CLSTN2: variants seen among roughly 807,000 people sequenced by gnomAD.
The protein encoded by CLSTN2 is calsyntenin 2, also known as calsyntenin-2.
CLSTN2 carries 48 observed loss-of-function variants against 101.2 expected under a neutral mutation model. The ratio of observed to expected loss-of-function variants is 0.47; its 90% CI spans 0.38 to 0.60. The LOEUF (loss-of-function observed/expected upper bound fraction) is 0.60, where lower values mean the gene tolerates loss of function less well. CLSTN2 is among the 20% of genes least tolerant of loss of function. The pLI, the probability that CLSTN2 is intolerant of heterozygous loss-of-function variation, is 0.00. For missense variants in CLSTN2, 1,160 were observed against 1,238.2 expected (o/e 0.94, Z 0.95); for synonymous variants, 481 against 463.6 (o/e 1.04, Z -0.48).
At chr3:140,533,403 G>A (rs1935298783) in intron 9 of CLSTN2, among the ~76,000 whole-genome samples, 4 of 152,268 alleles carry the variant, frequency 2.6e-5, no homozygotes, top group Admixed American at 2.6e-4. Context: ...GGGGATAGAG[G>A]TGGGCTATAG....
intron 1 of CLSTN2, among the ~76,000 whole-genome samples, chr3:139,965,445 G>A (rs1288677659): frequency 6.6e-6 from 1 of 152,158 alleles, no homozygotes; most frequent in Non-Finnish European, 1.5e-5. Flanking sequence ...TGTGGGAGTG[G>A]TATTCTCCAC....
At chr3:139,956,102 T>G (rs2107812444) in intron 1 of CLSTN2, among the ~76,000 whole-genome samples, 1 of 152,302 alleles carries the variant, frequency 6.6e-6, no homozygotes, top group Middle Eastern at 3.4e-3. Flanking sequence ...GTCTCCTGAC[T>G]TCCCTATTTT....
intron 2 of CLSTN2, among the ~76,000 whole-genome samples, chr3:140,232,542 G>A (rs2086379864): frequency 6.6e-6 from 1 of 151,942 alleles, no homozygotes; most frequent in African/African-American, 2.4e-5. Flanking sequence ...AGTTCCTACG[G>A]GCTGATGTTC....
At chr3:140,077,008 G>A (rs2107779330) in intron 1 of CLSTN2, among the ~76,000 whole-genome samples, 2 of 152,228 alleles carry the variant, frequency 1.3e-5, no homozygotes, top group East Asian at 3.9e-4. Flanking sequence ...TGGCTCCCCA[G>A]CATTTAATGC....
chr3:140,240,166 CTCTCTCTCTATATA>C lies in CLSTN2; in HGVS notation c.232+64095_232+64108del, dbSNP rs1285922959. 1.7e-4 allele frequency among the ~76,000 whole-genome samples: 3 copies of C among 18,054 alleles called. No individual in the cohort carries two copies. The East Asian group carries it at 0.035, about 210-fold the overall frequency. The allele number at this position is 18,054 out of a possible 152,430, so 11.8% of individuals were successfully genotyped here. On this transcript the variant is annotated intron_variant, in intron 2 of 16. Transcript: ENST00000458420. ...TCTCTCTCTCTGTCTCTCTCTCTCTCTCTCTCTCTATATATATATATATATATATATATACACAC... is the reference window on the plus strand; with the variant it reads ...TCTCTCTCTCTGTCTCTCTCTCTCTCTATATATATATATATATATACACAC...
At chr3:140,453,780 A>G (rs577377821) in intron 6 of CLSTN2, among the ~76,000 whole-genome samples, 8 of 152,344 alleles carry the variant, frequency 5.3e-5, no homozygotes, top group African/African-American at 1.4e-4. Context: ...AAAAAATTCA[A>G]TCTTCTGGAG....
chr3:140,204,675 T>TC (rs1189390921), intron 2 of CLSTN2, among the ~76,000 whole-genome samples: 3 of 152,022 alleles, frequency 2.0e-5, no homozygotes, highest in Non-Finnish European at 2.9e-5. Context: ...AGCCTGTCAC[T>TC]CCAATATGCC....
At chr3:140,441,076 T>C (rs1191307065) in intron 5 of CLSTN2, among the ~76,000 whole-genome samples, 1 of 152,228 alleles carries the variant, frequency 6.6e-6, no homozygotes, top group Non-Finnish European at 1.5e-5. Flanking sequence ...CTGATGGTTG[T>C]AGACCCATAA....
chr3:140,216,409 T>C (rs2010921939), intron 2 of CLSTN2, among the ~76,000 whole-genome samples: 1 of 152,178 alleles, frequency 6.6e-6, no homozygotes, highest in South Asian at 2.1e-4. Flanking sequence ...TGCCCAAATG[T>C]CGCTGGCCTC....
In CLSTN2 at chr3:140,539,895, A is replaced by G. The variant is rs928943892; in HGVS notation, c.1508-6620A>G. 2.6e-5 allele frequency among the ~76,000 whole-genome samples: 4 copies of G among 152,208 alleles called. No individual in the cohort carries two copies. In the South Asian group the frequency reaches 8.3e-4, roughly 32 times the overall value. On this transcript the variant is annotated intron_variant, in intron 9 of 16. Coordinates refer to ENST00000458420, the MANE Select transcript of CLSTN2 (RefSeq NM_022131.3). ...CCACCTCAGCCAAGTAAGGAAGGCC[A>G]GAGGATTCCGGATTTACCCAAACTC...
At chr3:140,324,509 A>T (rs1354737654) in intron 2 of CLSTN2, among the ~76,000 whole-genome samples, 2 of 152,244 alleles carry the variant, frequency 1.3e-5, no homozygotes, top group Non-Finnish European at 2.9e-5. Context: ...TGCTATCAGA[A>T]AGTAGACCAA....
chr3:140,066,368 G>T (rs1236910199), intron 1 of CLSTN2, among the ~76,000 whole-genome samples: 1 of 152,188 alleles, frequency 6.6e-6, no homozygotes, highest in African/African-American at 2.4e-5. Flanking sequence ...TTTACCTGGT[G>T]CCTGAAATTC....
intron 1 of CLSTN2, among the ~76,000 whole-genome samples, chr3:140,007,339 G>A (rs2006979004): frequency 1.3e-5 from 2 of 152,302 alleles, no homozygotes; most frequent in East Asian, 1.9e-4. Flanking sequence ...GTGGAAACAG[G>A]GCCTGGGGGT....
At chr3:140,536,288 T>G (rs1935358254) in intron 9 of CLSTN2, among the ~76,000 whole-genome samples, 1 of 152,014 alleles carries the variant, frequency 6.6e-6, no homozygotes, top group Non-Finnish European at 1.5e-5. Context: ...GCACATCTAG[T>G]GTGCTTGGCA....
intron 8 of CLSTN2, among the ~76,000 whole-genome samples, chr3:140,521,678 C>A (rs1935028112): frequency 6.6e-6 from 1 of 152,208 alleles, no homozygotes; most frequent in Admixed American, 6.5e-5. Context: ...GGGGACCCTT[C>A]CTTGTCCAGA....
chr3:139,967,641 G>A (rs1213827525), intron 1 of CLSTN2, among the ~76,000 whole-genome samples: 1 of 152,146 alleles, frequency 6.6e-6, no homozygotes, highest in Non-Finnish European at 1.5e-5. Flanking sequence ...ATACCTTTCT[G>A]TTTCCCCTCC....
chr3:140,139,145 A>G (rs2009658920), intron 1 of CLSTN2, among the ~76,000 whole-genome samples: 1 of 152,182 alleles, frequency 6.6e-6, no homozygotes, highest in African/African-American at 2.4e-5. Context: ...GCGGCATTCT[A>G]GGCAGAAGGG....
intron 4 of CLSTN2, among the ~76,000 whole-genome samples, chr3:140,414,763 T>C (rs988073035): frequency 6.6e-6 from 1 of 151,970 alleles, no homozygotes; most frequent in African/African-American, 2.4e-5. Flanking sequence ...CAAAGCAAGA[T>C]AGAGACTCAA....
chr3:140,050,088 T>C (rs2007961811), intron 1 of CLSTN2, among the ~76,000 whole-genome samples: 1 of 152,188 alleles, frequency 6.6e-6, no homozygotes, highest in South Asian at 2.1e-4. Context: ...ATTACATGAG[T>C]TAATCTGTAG....
Sources: allele counts gnomAD v4.1 joint callset (sites outside exome capture counted in the v4.1 genomes callset), GRCh38; gene constraint gnomAD v4.1.1; transcripts MANE v1.5; gene names NCBI Gene and HGNC (gene_info 2026-07-23, HGNC 2026-07-21).